Variants in FBLN1 observed in about 807,000 individuals in gnomAD.
The protein encoded by FBLN1 is fibulin-1.
Under a neutral mutation model 89.7 loss-of-function variants are expected in FBLN1, and 34 were observed. The observed-to-expected ratio is 0.38, with a 90% CI of 0.29 to 0.50. FBLN1 has a LOEUF of 0.50. Ranked by LOEUF, FBLN1 falls within the 20% of genes least tolerant of loss-of-function variation. The pLI, the probability that FBLN1 is intolerant of heterozygous loss-of-function variation, is 0.92. For synonymous variants in FBLN1, 393 were observed against 391.3 expected (o/e 1.00, Z -0.05); for missense variants, 777 against 988.1 (o/e 0.79, Z 2.86).
intron 1 of FBLN1, among the ~76,000 whole-genome samples, chr22:45,506,039 A>G (rs550006774): frequency 6.6e-6 from 1 of 152,156 alleles, no homozygotes; most frequent in Non-Finnish European, 1.5e-5. Context: ...AAAGTGCTGG[A>G]ATTACAGGTG....
intron 2 of FBLN1, among the ~76,000 whole-genome samples, chr22:45,521,278 TC>T (rs1212611621): frequency 6.6e-6 from 1 of 152,212 alleles, no homozygotes; most frequent in East Asian, 1.9e-4. Context: ...AAGTCCAGAC[TC>T]CTGGGTATCG....
intron 1 of FBLN1, chr22:45,517,379 C>T (rs183800890): frequency 1.7e-5 from 6 of 348,582 alleles, no homozygotes; most frequent in African/African-American, 6.5e-5. Context: ...ACCTGGCACC[C>T]GGCCGCTCCT....
rs187181616 is a variant in FBLN1 at position 45,549,727 on chromosome 22, A to G, written c.1574-765A>G. 6.1e-4 allele frequency among the ~76,000 whole-genome samples: 93 copies of G among 152,216 alleles called. No homozygotes were observed. Among genetic ancestry groups the G allele is most frequent in the East Asian group, 5.6e-3 (29 of 5,180 alleles). ...TGGCACCTCTTAATGGATGTCTCCC[A>G]GGGTTGGTGACAGCCCCTGAGCCCC... On this transcript the variant is annotated intron_variant, in intron 13 of 16. Transcript: ENST00000327858. The surrounding 1 kb of genome is among the most constrained non-coding windows in gnomAD (Gnocchi z 5.7).
intron 14 of FBLN1, chr22:45,565,266 A>G: frequency 3.0e-6 from 4 of 1,352,220 alleles, no homozygotes; most frequent in Non-Finnish European, 3.9e-6. Flanking sequence ...CAGCAGATGA[A>G]GCATAGCCTC....
Position 45,545,589 on chromosome 22 carries a change from T to TGGGG in FBLN1, c.1322-1496_1322-1495insGGGG, listed in dbSNP as rs2088615841. 1.3e-5 allele frequency among the ~76,000 whole-genome samples: 2 copies of TGGGG among 152,008 alleles called. No homozygotes were observed. The highest frequency in any genetic ancestry group is 1.3e-4 in the Admixed American group (2 of 15,262). On this transcript the variant is annotated intron_variant, in intron 11 of 16. Transcript: ENST00000327858. The surrounding 1 kb of genome is among the most constrained non-coding windows in gnomAD (Gnocchi z 5.9). Reference sequence around the variant, plus strand: ...CCTTGCTATGTGACCTTACTAACCATTTGTTAGGGTCCTGCCCCGGGTGTG... The same window carrying TGGGG: ...CCTTGCTATGTGACCTTACTAACCATGGGGTTGTTAGGGTCCTGCCCCGGGTGTG...
intron 9 of FBLN1, 118 bp downstream of exon 9, chr22:45,541,490 C>A (rs2088555676): frequency 2.3e-6 from 3 of 1,311,796 alleles, no homozygotes; most frequent in Non-Finnish European, 3.2e-6. Flanking sequence ...ATCAGCCCAT[C>A]CATCCCACTG....
At chr22:45,593,307 C>T (rs899268930) in intron 16 of FBLN1, among the ~76,000 whole-genome samples, 2 of 152,174 alleles carry the variant, frequency 1.3e-5, no homozygotes, top group Admixed American at 6.5e-5. Context: ...GGTCTCCCCA[C>T]TGCACCCGAG....
At chr22:45,596,349 C>CT (rs1468931666) in intron 16 of FBLN1, among the ~76,000 whole-genome samples, 4 of 152,134 alleles carry the variant, frequency 2.6e-5, no homozygotes, top group African/African-American at 7.2e-5. Context: ...TGCATGAGCA[C>CT]TTTCTTCTTT....
rs1330786198 is a variant in FBLN1 at position 45,580,851 on chromosome 22, T to G, written c.1972+3743T>G. Among the ~76,000 whole-genome samples the G allele has an allele frequency of 6.6e-6, 1 of 152,228 alleles. No homozygotes were observed. The highest frequency in any genetic ancestry group is 1.5e-5 in the Non-Finnish European group (1 of 68,034). ...CTGCAAGGGCCGGGTCGTCCTCTAA[T>G]GTAGCCTTGAAAGACCCGTTCTTAG... is the stretch of plus-strand genomic sequence containing the variant. On this transcript the variant is annotated intron_variant, in intron 16 of 16. Coordinates refer to ENST00000327858, the MANE Select transcript of FBLN1 (RefSeq NM_006486.3). The surrounding 1 kb of genome is among the most constrained non-coding windows in gnomAD (Gnocchi z 8.6).
rs1378886188 is a variant in FBLN1 at position 45,555,035 on chromosome 22, G to GA, written c.1697+4421dup. ...GGACCCGTCCCCGTCTCCACCGCAG[G>GA]AGGTTAGGACCCGTCCCCGTCTCCA... On this transcript the variant is annotated intron_variant, in intron 14 of 16. Coordinates refer to ENST00000327858, the MANE Select transcript of FBLN1 (RefSeq NM_006486.3). 5.5e-3 allele frequency among the ~76,000 whole-genome samples: 841 copies of GA among 151,534 alleles called. 15 individuals carry two copies. The highest frequency in any genetic ancestry group is 0.015 in the South Asian group (71 of 4,808).
At chr22:45,508,568 C>T (rs754529546) in intron 1 of FBLN1, among the ~76,000 whole-genome samples, 11 of 152,132 alleles carry the variant, frequency 7.2e-5, no homozygotes, top group Admixed American at 3.3e-4. Context: ...GCCAGCCTCA[C>T]GCACCTTTAG....
In FBLN1 at chr22:45,563,892, C is replaced by T. The variant is rs1307847943; in HGVS notation, c.1698-10619C>T. 3.9e-5 allele frequency among the ~76,000 whole-genome samples: 6 copies of T among 152,330 alleles called. No homozygotes were observed. Among genetic ancestry groups the T allele is most frequent in the South Asian group, 2.1e-4 (1 of 4,826 alleles). On this transcript the variant is annotated intron_variant, in intron 14 of 16. Transcript: ENST00000327858. This position sits in a 1 kb window ranked among gnomAD's most constrained non-coding sequence, Gnocchi z 5.7. The stretch of plus-strand genomic sequence containing the variant: ...AGCCCAAATCTGTGGTGCAGAAACA[C>T]GGGATGCGGTTGCGGCTCCTAGGAT...
intron 16 of FBLN1, among the ~76,000 whole-genome samples, chr22:45,598,624 C>T (rs2089205950): frequency 6.6e-6 from 1 of 152,198 alleles, no homozygotes; most frequent in South Asian, 2.1e-4. Flanking sequence ...GCACACCCTC[C>T]ATCAGAGCGT....
In FBLN1 at chr22:45,503,185, C is replaced by T. The variant is rs188030970; in HGVS notation, c.79+121C>T. 815 of 386,898 alleles carry T rather than the reference C, an allele frequency of 2.1e-3. 5 individuals are homozygous for T. Among genetic ancestry groups the T allele is most frequent in the African/African-American group, 0.016 (745 of 45,352 alleles). The allele number at this position is 386,898 out of a possible 1,614,324, so 24.0% of individuals were successfully genotyped here. A position where few individuals can be genotyped will look rare whatever the true frequency, so the allele number is the denominator to read the frequency against. The stretch of plus-strand genomic sequence containing the variant: ...CGTGCGTTGCCCTGCGCGGCGCCCC[C>T]GGACTGTCAGCGCCGAGGCCTCGGC... On this transcript the variant is annotated intron_variant, in intron 1 of 16. Transcript: ENST00000327858.
In FBLN1 at chr22:45,575,518, A is replaced by G. The variant is rs761386193; in HGVS notation, c.1840+865A>G. Among the ~76,000 whole-genome samples the G allele has an allele frequency of 6.6e-6, 1 of 152,112 alleles. No homozygotes were observed. The highest frequency in any genetic ancestry group is 2.4e-5 in the African/African-American group (1 of 41,426). ...TCAACCCCCAGGCTTTGGGGGAACCATCGGAAGGTTGCAGTGGAGGAGGTT... is the reference window on the plus strand; with the variant it reads ...TCAACCCCCAGGCTTTGGGGGAACCGTCGGAAGGTTGCAGTGGAGGAGGTT... On this transcript the variant is annotated intron_variant, in intron 15 of 16. Transcript: ENST00000327858. The surrounding 1 kb of genome is among the most constrained non-coding windows in gnomAD (Gnocchi z 6.3).
rs770235111 is a variant in FBLN1, at chr22:45,548,660, C to T, written c.1489C>T (p.Arg497Cys). 16 of 1,613,874 alleles carry T rather than the reference C, an allele frequency of 9.9e-6. No homozygotes were observed. The highest frequency in any genetic ancestry group is 2.2e-5 in the East Asian group (1 of 44,886). ...LPTGGHICSY[R>C]CINIPGSFQC... ...CACCGGGGGCCACATCTGCTCCTAC[C>T]GCTGCATCAACATCCCTGGAAGCTT... Residue 497 changes from arginine to cysteine, a missense_variant, in exon 13 of 17, where the codon CGC (arginine) becomes TGC (cysteine). Coordinates refer to ENST00000327858, the MANE Select transcript of FBLN1 (RefSeq NM_006486.3).
At chr22:45,594,687 T>C (rs1224906988) in intron 16 of FBLN1, among the ~76,000 whole-genome samples, 2 of 149,188 alleles carry the variant, frequency 1.3e-5, no homozygotes, top group East Asian at 2.0e-4. Flanking sequence ...AGTGGATGGA[T>C]TGGTGGATAG....
chr22:45,590,957 A>C lies in FBLN1; in HGVS notation c.1973-9350A>C, dbSNP rs2089131356. On this transcript the variant is annotated intron_variant, in intron 16 of 16. Coordinates refer to ENST00000327858, the MANE Select transcript of FBLN1 (RefSeq NM_006486.3). This position sits in a 1 kb window ranked among gnomAD's most constrained non-coding sequence, Gnocchi z 4.1. ...TCGGGGGCCCAGGAGGACCCCACCCAGCAGGTAGGTGGGTGGAGGCTGAGG... is the reference window on the plus strand; with the variant it reads ...TCGGGGGCCCAGGAGGACCCCACCCCGCAGGTAGGTGGGTGGAGGCTGAGG... Among the ~76,000 whole-genome samples the C allele has an allele frequency of 6.6e-6, 1 of 152,122 alleles. No homozygotes were observed. Among genetic ancestry groups the C allele is most frequent in the African/African-American group, 2.4e-5 (1 of 41,418 alleles).
At position 45,533,876 on chromosome 22, in the gene FBLN1, C is replaced by T. The variant is rs2146969825; in HGVS notation, c.762C>T (p.Leu254=). 1 of 1,614,084 alleles carries T rather than the reference C, an allele frequency of 6.2e-7. No homozygotes were observed. ...RDSSCGTGYE[L]TEDNSCKDID... ...GCAGCTGCGGGACTGGCTATGAGCT[C>T]ACAGAGGACAATAGCTGCAAAGGTA... Residue 254 remains leucine, a synonymous_variant, in exon 7 of 17, where the codon CTC becomes CTT. Coordinates refer to ENST00000327858, the MANE Select transcript of FBLN1 (RefSeq NM_006486.3).
Sources: allele counts gnomAD v4.1 joint callset (sites outside exome capture counted in the v4.1 genomes callset), GRCh38; gene constraint gnomAD v4.1.1; non-coding constraint Gnocchi (gnomAD v3.1); transcripts MANE v1.5; gene names NCBI Gene and HGNC (gene_info 2026-07-23, HGNC 2026-07-21).